Variants in CR1 observed in about 807,000 individuals in gnomAD.
The protein encoded by CR1 is complement C3b/C4b receptor 1 (Knops blood group).
CR1 carries 116 observed loss-of-function variants against 187.3 expected under a neutral mutation model. The ratio of observed to expected loss-of-function variants is 0.62; its 90% CI spans 0.53 to 0.72. CR1 has a LOEUF of 0.72. Among genes scored for constraint, CR1 ranks in the 30% least tolerant of loss-of-function variants. The pLI, the probability that CR1 is intolerant of heterozygous loss-of-function variation, is 0.00. For synonymous variants in CR1, 576 were observed against 747.1 expected, an observed-to-expected ratio of 0.77 and a Z score of 3.73; for missense variants, 1,731 against 2,110.7, an observed-to-expected ratio of 0.82 and a Z score of 3.52.
rs56224043 is a variant in CR1, at chr1:207,617,952, G to A, written c.6890-119G>A. 7.4e-6 allele frequency: 8 copies of A among 1,080,586 alleles called. No individual in the cohort carries two copies. In the East Asian group the frequency reaches 2.1e-4, roughly 28 times the overall value. The allele number at this position is 1,080,586 out of a possible 1,614,324, so 66.9% of individuals were successfully genotyped here. A position where few individuals can be genotyped will look rare whatever the true frequency, so the allele number is the denominator to read the frequency against. ...AATAGGAGGGAGTGGCTTATGACCT[G>A]GCTGGTTGAGGTCTTCATGTACCTC... is the stretch of plus-strand genomic sequence containing the variant. On this transcript the variant is annotated intron_variant, in intron 41 of 46. Coordinates refer to ENST00000367049, the MANE Select transcript of CR1 (RefSeq NM_000651.6).
chr1:207,587,265 T>C, intron 33 of CR1, 121 bp from the exon 34 acceptor site: 1 of 810,920 alleles, frequency 1.2e-6, no homozygotes, highest in South Asian at 2.2e-5. Flanking sequence ...AGAAAATCTT[T>C]TGCTATTCTT....
At chr1:207,617,615 A>AT (rs1209367098) in intron 41 of CR1, among the ~76,000 whole-genome samples, 6 of 12,450 alleles carry the variant, frequency 4.8e-4, no homozygotes, top group East Asian at 2.1e-3. Context: ...ATATATATAG[A>AT]GAGAGAGAGA....
At chr1:207,609,729 C>T (rs117131352) in intron 37 of CR1, 41 bp downstream of exon 37, 26 of 1,502,834 alleles carry the variant, frequency 1.7e-5, no homozygotes, top group Middle Eastern at 1.9e-4. Flanking sequence ...TGTGAGGGTA[C>T]GTATAGATGA....
rs1222977501 is a variant in CR1 at position 207,580,347 on chromosome 1, C to T, written c.5044C>T (p.Leu1682Phe). The T allele has an allele frequency of 1.2e-5, 19 of 1,613,854 alleles. No individual in the cohort carries two copies. The highest frequency in any genetic ancestry group is 2.2e-5 in the East Asian group (1 of 44,892). The change falls in exon 30 of 47, where the codon CTC (leucine) becomes TTC (phenylalanine). Residue 1682 changes from leucine to phenylalanine, a missense_variant. Physicochemically the swap from Leu to Phe is conservative, Grantham distance 22. Coordinates refer to ENST00000367049, the MANE Select transcript of CR1 (RefSeq NM_000651.6). The stretch of plus-strand genomic sequence containing the variant: ...CTACAGCTGTGAGCCTGGCTATGAC[C>T]TCAGAGGGGCTGCGTCTCTGCACTG... ...VFYSCEPGYD[L>F]RGAASLHCTP... is the part of the protein sequence containing the mutation.
rs935718561 is a variant in CR1, at chr1:207,641,337, T to C, written c.*1928T>C. 1.3e-5 allele frequency: 2 copies of C among 152,146 alleles called. No individual in the cohort carries two copies. The highest frequency in any genetic ancestry group is 4.8e-5 in the African/African-American group (2 of 41,434). The allele number at this position is 152,146 out of a possible 1,614,324, so 9.4% of individuals were successfully genotyped here. ...AATGTGATTAATAAATATTTCAATG[T>C]CTGTGACTTTTGATTTATTTTGGAG... On this transcript the variant is annotated 3_prime_UTR_variant, in exon 47 of 47. Coordinates refer to ENST00000367049, the MANE Select transcript of CR1 (RefSeq NM_000651.6).
At chr1:207,627,411 G>A (rs963665849) in intron 45 of CR1, among the ~76,000 whole-genome samples, 1 of 152,186 alleles carries the variant, frequency 6.6e-6, no homozygotes. Context: ...TCAAATGAAT[G>A]AGTGAGCTAC....
intron 35 of CR1, 132 bp downstream of exon 35, chr1:207,588,906 A>G (rs1661189210): frequency 1.6e-6 from 1 of 625,868 alleles, no homozygotes; most frequent in African/African-American, 1.9e-5. Flanking sequence ...TTATAGATGG[A>G]GATGATACGT....
At chr1:207,611,612 C>T in intron 37 of CR1, 65 bp from the exon 38 acceptor site, 1 of 1,590,288 alleles carries the variant, frequency 6.3e-7, no homozygotes, top group Non-Finnish European at 8.6e-7. Flanking sequence ...CTCTGGTAAG[C>T]ATAAGATATA....
chr1:207,617,507 A>ATATATATATATGTATATGTGTG (rs1332301171), intron 41 of CR1, among the ~76,000 whole-genome samples: 1 of 47,010 alleles, frequency 2.1e-5, no homozygotes, highest in Non-Finnish European at 4.8e-5. Flanking sequence ...ATATATATAT[A>ATATATATATATGTATATGTGTG]TGTGTGTGTG....
At chr1:207,517,455 A>G (rs1659841360) in intron 4 of CR1, among the ~76,000 whole-genome samples, 1 of 152,070 alleles carries the variant, frequency 6.6e-6, no homozygotes, top group East Asian at 1.9e-4. Flanking sequence ...TATTCTCAAG[A>G]GATCTTGGGT....
chr1:207,497,750 GTTGA>G (rs1263976528), intron 1 of CR1, among the ~76,000 whole-genome samples: 2 of 152,076 alleles, frequency 1.3e-5, no homozygotes, highest in African/African-American at 4.8e-5. Context: ...CTTAGCCTAT[GTTGA>G]TTAAGTTACT....
intron 39 of CR1, among the ~76,000 whole-genome samples, chr1:207,613,825 G>A (rs1662014181): frequency 6.6e-6 from 1 of 152,122 alleles, no homozygotes; most frequent in South Asian, 2.1e-4. Context: ...TGGGCATTTT[G>A]GGGTGCAAAG....
chr1:207,594,376 T>A (rs1446298526), intron 35 of CR1, among the ~76,000 whole-genome samples: 1 of 152,144 alleles, frequency 6.6e-6, no homozygotes, highest in East Asian at 1.9e-4. Flanking sequence ...CACCGCATGT[T>A]CTCATTCCTA....
rs1662207658 is a variant in CR1 at position 207,618,249 on chromosome 1, T to C, written c.7066+2T>C. Reference sequence around the variant, plus strand: ...GCCAATTGGATCATTATTGCAAAGGTGACTTATTTCTTGGTATTCCTTATT... The same window carrying C: ...GCCAATTGGATCATTATTGCAAAGGCGACTTATTTCTTGGTATTCCTTATT... On this transcript the variant is annotated splice_donor_variant, in intron 42 of 46. Coordinates refer to ENST00000367049, the MANE Select transcript of CR1 (RefSeq NM_000651.6). LOFTEE classifies it high-confidence loss of function. 1.9e-6 allele frequency: 3 copies of C among 1,612,674 alleles called. No homozygotes were observed. The highest frequency in any genetic ancestry group is 1.7e-5 in the Admixed American group (1 of 59,936).
intron 35 of CR1, among the ~76,000 whole-genome samples, chr1:207,595,365 A>C (rs1661399121): frequency 6.6e-6 from 1 of 152,120 alleles, no homozygotes; most frequent in Non-Finnish European, 1.5e-5. Context: ...ATAAAGAAAA[A>C]TACTAAGTTG....
intron 46 of CR1, among the ~76,000 whole-genome samples, chr1:207,634,595 T>C (rs1157668153): frequency 1.3e-5 from 2 of 151,112 alleles, no homozygotes; most frequent in Non-Finnish European, 2.9e-5. Context: ...AGATGAGGAA[T>C]CTGGTGGCAG....
chr1:207,611,978 G>T lies in CR1; in HGVS notation c.6512G>T (p.Gly2171Val), dbSNP rs374085005. Residue 2171 changes from glycine (G) to valine (V), a missense_variant, in exon 39 of 47, where the codon GGC becomes GTC. Gly to Val is a moderately radical substitution (Grantham distance 109, BLOSUM62 -3). Transcript: ENST00000367049. ...CDDFLGQLPHGRVLLPLNLQL... is the reference protein window; with the variant it reads ...CDDFLGQLPHVRVLLPLNLQL... ...GACTTCCTGGGCCAACTCCCTCATGGCCGTGTGCTACTTCCACTTAATCTC... is the reference window on the plus strand; with the variant it reads ...GACTTCCTGGGCCAACTCCCTCATGTCCGTGTGCTACTTCCACTTAATCTC... The T allele has an allele frequency of 1.9e-5, 31 of 1,613,956 alleles. No individual in the cohort carries two copies. The South Asian group carries it at 2.2e-4, about 11-fold the overall frequency.
intron 35 of CR1, among the ~76,000 whole-genome samples, chr1:207,590,967 T>A (rs563435644): frequency 1.3e-5 from 2 of 152,116 alleles, no homozygotes; most frequent in South Asian, 2.1e-4. Context: ...TTCTGAAAGA[T>A]CTATAAAGAG....
chr1:207,615,675 T>C (rs879160630), intron 40 of CR1, among the ~76,000 whole-genome samples: 2 of 152,218 alleles, frequency 1.3e-5, no homozygotes, highest in Admixed American at 1.3e-4. Context: ...TTAAAATAAC[T>C]TATAGAAATC....
Sources: gnomAD v4.1 joint callset for allele counts (sites outside exome capture counted in the v4.1 genomes callset) on GRCh38, gnomAD v4.1.1 for gene constraint, MANE v1.5 for transcripts, NCBI Gene and HGNC (gene_info 2026-07-23, HGNC 2026-07-21) for gene names.